RBFOX2: variants seen among roughly 807,000 people sequenced by gnomAD.
The protein encoded by RBFOX2 is RNA binding protein fox-1 homolog 2.
A neutral mutation model predicts 49.1 loss-of-function variants in RBFOX2; 10 were observed. The ratio of observed to expected loss-of-function variants is 0.20; its 90% CI spans 0.13 to 0.35. The LOEUF (loss-of-function observed/expected upper bound fraction) is 0.35. Ranked by LOEUF, RBFOX2 falls within the 10% of genes least tolerant of loss-of-function variation. The pLI is 1.00. For synonymous variants in RBFOX2, 183 were observed against 187.4 expected, an observed-to-expected ratio of 0.98 and a Z score of 0.19; for missense variants, 323 against 486.9, an observed-to-expected ratio of 0.66 and a Z score of 3.17.
At chr22:36,024,900 C>T (rs1257677849) in intron 1 of RBFOX2, among the ~76,000 whole-genome samples, 10 of 151,992 alleles carry the variant, frequency 6.6e-5, no homozygotes, top group South Asian at 4.2e-4. Context: ...CTCCGCCTCC[C>T]GAGTTCAAGT....
chr22:35,897,462 G>T (rs1258135964), intron 1 of RBFOX2: 2 of 831,896 alleles, frequency 2.4e-6, no homozygotes, highest in Non-Finnish European at 4.3e-6. Flanking sequence ...TGTTGTCCAG[G>T]ACTCAAATGG....
intron 1 of RBFOX2, among the ~76,000 whole-genome samples, chr22:35,983,251 C>T (rs2057545471): frequency 6.6e-6 from 1 of 152,204 alleles, no homozygotes; most frequent in Non-Finnish European, 1.5e-5. Context: ...AACCAGGAGG[C>T]TTTTACCAGC....
At position 35,759,671 on chromosome 22, in the gene RBFOX2, T is replaced by G. The variant is rs1300343790; in HGVS notation, c.887+217A>C. The stretch of plus-strand genomic sequence containing the variant: ...AAGCCATTACCATGAGGGCTTAAGG[T>G]GGCCAAAATGAAGACTTATAATGAA... On this transcript the variant is annotated intron_variant, in intron 9 of 11. Coordinates refer to ENST00000405409, the Ensembl canonical transcript of RBFOX2. The surrounding 1 kb of genome is among the most constrained non-coding windows in gnomAD (Gnocchi z 4.6). 6.6e-6 allele frequency among the ~76,000 whole-genome samples: 1 copy of G among 152,170 alleles called. No homozygotes were observed. The highest frequency in any genetic ancestry group is 6.5e-5 in the Admixed American group (1 of 15,284).
intron 1 of RBFOX2, among the ~76,000 whole-genome samples, chr22:35,912,546 AT>A (rs1224401695): frequency 2.6e-5 from 4 of 152,216 alleles, no homozygotes; most frequent in African/African-American, 9.7e-5. Flanking sequence ...GCTATTTAGC[AT>A]TTTCACTTAA....
intron 1 of RBFOX2, among the ~76,000 whole-genome samples, chr22:35,874,314 C>T (rs1029048741): frequency 2.6e-5 from 4 of 151,950 alleles, no homozygotes; most frequent in African/African-American, 9.7e-5. Flanking sequence ...AATTTAAAGG[C>T]TTTCAGTATG....
intron 1 of RBFOX2, among the ~76,000 whole-genome samples, chr22:35,874,129 G>A (rs561115125): frequency 2.0e-5 from 3 of 152,266 alleles, no homozygotes; most frequent in South Asian, 4.1e-4. Flanking sequence ...TTTAGTAAAG[G>A]CATACATGAA....
intron 1 of RBFOX2, among the ~76,000 whole-genome samples, chr22:35,932,238 TA>T (rs1327028995): frequency 2.1e-5 from 3 of 143,594 alleles, no homozygotes; most frequent in East Asian, 2.0e-4. Context: ...CAGCTCCCAA[TA>T]AAAAAAAAGC....
At chr22:35,754,792 G>T (rs1165417252) in intron 9 of RBFOX2, among the ~76,000 whole-genome samples, 1 of 152,188 alleles carries the variant, frequency 6.6e-6, no homozygotes, top group African/African-American at 2.4e-5. Context: ...ATATGGATTG[G>T]TTGGGTTTTA....
intron 1 of RBFOX2, among the ~76,000 whole-genome samples, chr22:35,833,419 G>A (rs1275795818): frequency 2.0e-5 from 3 of 152,164 alleles, no homozygotes; most frequent in East Asian, 3.8e-4. Flanking sequence ...ACTTATCATG[G>A]CCAACAATGG....
At chr22:35,911,754 A>T (rs1036657476) in intron 1 of RBFOX2, among the ~76,000 whole-genome samples, 4 of 152,124 alleles carry the variant, frequency 2.6e-5, no homozygotes, top group Non-Finnish European at 5.9e-5. Flanking sequence ...TAAGTACCTT[A>T]TTCTAATCCA....
At chr22:35,894,918 T>TG (rs928393440) in intron 1 of RBFOX2, among the ~76,000 whole-genome samples, 10 of 148,674 alleles carry the variant, frequency 6.7e-5, no homozygotes, top group Admixed American at 2.7e-4. Flanking sequence ...ATGCCAAAAC[T>TG]GGGGGGCAAG....
At chr22:35,788,314 A>G (rs1215519745) in intron 2 of RBFOX2, among the ~76,000 whole-genome samples, 1 of 152,244 alleles carries the variant, frequency 6.6e-6, no homozygotes, top group African/African-American at 2.4e-5. Flanking sequence ...TGATATAGAT[A>G]CTAAGGAATC....
rs145583451 is a variant in RBFOX2 at position 35,848,635 on chromosome 22, G to A, written c.-33-38631C>T. Reference sequence around the variant, plus strand: ...TATTTCTTTTAACTCTATGCATTCCGGTCCAACCTGCAACATAGGTGCTAA... The same window carrying A: ...TATTTCTTTTAACTCTATGCATTCCAGTCCAACCTGCAACATAGGTGCTAA... On this transcript the variant is annotated intron_variant, in intron 1 of 13. Transcript: ENST00000359369. Among the ~76,000 whole-genome samples the A allele has an allele frequency of 4.4e-3, 672 of 152,138 alleles. 3 individuals carry two copies. The highest frequency in any genetic ancestry group is 5.5e-3 in the Non-Finnish European group (372 of 67,978).
Position 35,866,295 on chromosome 22 carries a change from CAGAA to C in RBFOX2, c.-33-56295_-33-56292del, listed in dbSNP as rs375027271. On this transcript the variant is annotated intron_variant, in intron 1 of 13. Coordinates refer to the RBFOX2 transcript ENST00000359369. ...AGAATTTTAATTCCTAAAATAAACA[CAGAA>C]AGGCAATTTGGAACATAATATATAC... Among the ~76,000 whole-genome samples the C allele has an allele frequency of 2.3e-3, 349 of 152,164 alleles. 2 individuals are homozygous for C. Among genetic ancestry groups the C allele is most frequent in the African/African-American group, 7.2e-3 (297 of 41,528 alleles).
chr22:35,799,091 T>C (rs890440915), intron 2 of RBFOX2, among the ~76,000 whole-genome samples: 2 of 152,192 alleles, frequency 1.3e-5, no homozygotes, highest in Admixed American at 6.5e-5. Flanking sequence ...AATATACCAA[T>C]AGAGGTGACA....
intron 2 of RBFOX2, among the ~76,000 whole-genome samples, chr22:35,794,408 C>T (rs777522714): frequency 1.3e-5 from 2 of 152,048 alleles, no homozygotes; most frequent in Non-Finnish European, 2.9e-5. Flanking sequence ...CCTGTAATCC[C>T]AGCACTTTGG....
chr22:35,781,835 G>A (rs1386466306), intron 2 of RBFOX2, 89 bp from the exon 4 acceptor site: 1 of 1,527,350 alleles, frequency 6.5e-7, no homozygotes, highest in African/African-American at 1.4e-5. Flanking sequence ...CCCAAACAGG[G>A]TATGTTTAAG....
At chr22:35,808,464 T>C (rs997852612) in intron 2 of RBFOX2, among the ~76,000 whole-genome samples, 32 of 152,326 alleles carry the variant, frequency 2.1e-4, no homozygotes, top group African/African-American at 7.7e-4. Flanking sequence ...GCTCTCCTTT[T>C]CATAACCAGA....
chr22:35,764,393 G>T (rs376071202), intron 6 of RBFOX2, among the ~76,000 whole-genome samples: 1 of 152,092 alleles, frequency 6.6e-6, no homozygotes, highest in East Asian at 1.9e-4. Flanking sequence ...GACCATCCTG[G>T]CTAACACGGT....
Sources: allele counts gnomAD v4.1 joint callset (sites outside exome capture counted in the v4.1 genomes callset), GRCh38; gene constraint gnomAD v4.1.1; non-coding constraint Gnocchi (gnomAD v3.1); transcripts MANE v1.5; gene names NCBI Gene and HGNC (gene_info 2026-07-23, HGNC 2026-07-21).